The following TBXAS1 variants were observed in gnomAD, a reference collection of about 807,000 sequenced individuals.
The protein encoded by TBXAS1 is thromboxane A synthase 1.
Under a neutral mutation model 60.7 loss-of-function variants are expected in TBXAS1, and 48 were observed. The ratio of observed to expected loss-of-function variants is 0.79; its 90% CI spans 0.63 to 1.01. TBXAS1 has a LOEUF of 1.01. Ranked by LOEUF, TBXAS1 falls within the 50% of genes least tolerant of loss-of-function variation. TBXAS1 has a pLI of 0.00. For missense variants in TBXAS1, 685 were observed against 686.3 expected (o/e 1.00, Z 0.02); for synonymous variants, 287 against 269.7 (o/e 1.06, Z -0.63).
intron 9 of TBXAS1, among the ~76,000 whole-genome samples, chr7:139,983,171 T>C (rs1192936751): frequency 6.6e-6 from 1 of 152,210 alleles, no homozygotes; most frequent in African/African-American, 2.4e-5. Context: ...AACCAAATTG[T>C]CTTGGTACGC....
intron 1 of TBXAS1, among the ~76,000 whole-genome samples, chr7:139,833,079 A>G (rs1798814432): frequency 6.6e-6 from 1 of 152,148 alleles, no homozygotes; most frequent in Non-Finnish European, 1.5e-5. Context: ...AAACAACAAC[A>G]ACAAAAAAAA....
At chr7:139,954,212 A>G (rs1288565634) in intron 6 of TBXAS1, among the ~76,000 whole-genome samples, 1 of 152,236 alleles carries the variant, frequency 6.6e-6, no homozygotes, top group Non-Finnish European at 1.5e-5. Flanking sequence ...TTTATTCATT[A>G]TTATCATTGC....
intron 9 of TBXAS1, among the ~76,000 whole-genome samples, chr7:140,002,262 G>T (rs1286572626): frequency 6.6e-6 from 1 of 152,228 alleles, no homozygotes; most frequent in Non-Finnish European, 1.5e-5. Flanking sequence ...CCCAGCACCT[G>T]GTCCCGCACC....
At chr7:139,955,394 AG>A (rs1211274037) in intron 6 of TBXAS1, 64 bp from the exon 7 acceptor site, 38 of 1,595,288 alleles carry the variant, frequency 2.4e-5, no homozygotes, top group Non-Finnish European at 3.3e-5. Flanking sequence ...CCTCCTCTGG[AG>A]GGGGCCATTG....
chr7:140,018,388 A>G (rs1402039395), intron 12 of TBXAS1, among the ~76,000 whole-genome samples: 1 of 152,064 alleles, frequency 6.6e-6, no homozygotes, highest in Non-Finnish European at 1.5e-5. Context: ...GCAGACACTC[A>G]CGTGTCCCCA....
Position 140,020,113 on chromosome 7 carries a change from C to G in TBXAS1, c.*14C>G, listed in dbSNP as rs200404222. On this transcript the variant is annotated 3_prime_UTR_variant, in exon 13 of 13. Transcript: ENST00000448866. Reference sequence around the variant, plus strand: ...GTATCCCGCTGACACAGAAGGCTGCCGGGTGGGGGGAGGGCACCCCCAAAT... The same window carrying G: ...GTATCCCGCTGACACAGAAGGCTGCGGGGTGGGGGGAGGGCACCCCCAAAT... The G allele has an allele frequency of 1.1e-4, 180 of 1,591,668 alleles. No individual in the cohort carries two copies. In the African/African-American group the frequency reaches 2.0e-3, roughly 17 times the overall value.
chr7:139,815,382 G>C (rs1016754727), intron 4 of TBXAS1, among the ~76,000 whole-genome samples: 2 of 152,200 alleles, frequency 1.3e-5, no homozygotes, highest in Admixed American at 6.5e-5. Flanking sequence ...GAATAATTTG[G>C]TCAATTCCAT....
chr7:139,941,435 T>C lies in TBXAS1; in HGVS notation c.450+5128T>C, dbSNP rs1359651231. On this transcript the variant is annotated intron_variant, in intron 5 of 12. Coordinates refer to ENST00000448866, the MANE Select transcript of TBXAS1 (RefSeq NM_001061.7). ...ATATTTGTATTTAAATTAAAATTGT[T>C]TTTTTTTTTTGGCCTATGTCATACC... Among the ~76,000 whole-genome samples the C allele has an allele frequency of 3.9e-4, 5 of 12,938 alleles. No individual in the cohort carries two copies. In the African/African-American group the frequency reaches 5.1e-3, roughly 13 times the overall value. The allele number at this position is 12,938 out of a possible 152,430, so 8.5% of individuals were successfully genotyped here. A position where few individuals can be genotyped will look rare whatever the true frequency, so the allele number is the denominator to read the frequency against.
At chr7:139,941,752 T>G (rs1197308587) in intron 5 of TBXAS1, among the ~76,000 whole-genome samples, 1 of 152,262 alleles carries the variant, frequency 6.6e-6, no homozygotes, top group African/African-American at 2.4e-5. Context: ...CTAGATTCTT[T>G]ACCAAAGACT....
chr7:139,887,963 A>T (rs1257077203), intron 3 of TBXAS1, among the ~76,000 whole-genome samples: 4 of 152,174 alleles, frequency 2.6e-5, no homozygotes, highest in Non-Finnish European at 5.9e-5. Flanking sequence ...TCAAACCTTG[A>T]GAGTGAGCTC....
At chr7:139,996,131 G>C (rs950667647) in intron 9 of TBXAS1, among the ~76,000 whole-genome samples, 23 of 150,426 alleles carry the variant, frequency 1.5e-4, no homozygotes, top group Non-Finnish European at 2.8e-4. Flanking sequence ...ACCATGTCTG[G>C]CATTTTTTTT....
intron 4 of TBXAS1, among the ~76,000 whole-genome samples, chr7:139,797,757 T>A (rs1258290388): frequency 6.6e-6 from 1 of 152,218 alleles, no homozygotes; most frequent in Non-Finnish European, 1.5e-5. Flanking sequence ...TGCTGACCAC[T>A]GTAATGTCCA....
chr7:139,993,793 A>T (rs1391903674), intron 9 of TBXAS1, among the ~76,000 whole-genome samples: 1 of 152,050 alleles, frequency 6.6e-6, no homozygotes, highest in Non-Finnish European at 1.5e-5. Flanking sequence ...AGCTTAGGCA[A>T]GTCACTTCAC....
At chr7:139,792,395 G>A (rs773671550) in intron 4 of TBXAS1, among the ~76,000 whole-genome samples, 2 of 152,102 alleles carry the variant, frequency 1.3e-5, no homozygotes, top group African/African-American at 4.8e-5. Flanking sequence ...ACCCATGGTC[G>A]GCTTGGTGGT....
At chr7:139,862,782 T>G (rs1015418779) in intron 1 of TBXAS1, among the ~76,000 whole-genome samples, 1 of 152,214 alleles carries the variant, frequency 6.6e-6, no homozygotes, top group Non-Finnish European at 1.5e-5. Context: ...TCTGTCTCTC[T>G]CTTTCTCATC....
At chr7:139,936,418 A>G (rs1338821438) in intron 5 of TBXAS1, 111 bp downstream of exon 5, 1 of 1,094,622 alleles carries the variant, frequency 9.1e-7, no homozygotes, top group Non-Finnish European at 1.4e-6. Context: ...ACACATCAAA[A>G]TGCCTTTCCC....
At chr7:139,906,182 A>T in intron 3 of TBXAS1, 1 of 284,720 alleles carries the variant, frequency 3.5e-6, no homozygotes, top group Non-Finnish European at 6.9e-6. Context: ...CAGCCTCCTG[A>T]GTAGCTGGCA....
intron 4 of TBXAS1, among the ~76,000 whole-genome samples, chr7:139,792,639 T>C (rs58216762): frequency 1.3e-5 from 2 of 152,338 alleles, no homozygotes; most frequent in East Asian, 1.9e-4. Flanking sequence ...CCTCTTTATC[T>C]GCAGGGATGA....
intron 1 of TBXAS1, among the ~76,000 whole-genome samples, chr7:139,844,193 G>A (rs1484499827): frequency 6.6e-6 from 1 of 152,134 alleles, no homozygotes; most frequent in Non-Finnish European, 1.5e-5. Flanking sequence ...TCTGAGTGGG[G>A]TATCCTGACA....
Sources: gnomAD v4.1 joint callset for allele counts (sites outside exome capture counted in the v4.1 genomes callset) on GRCh38, gnomAD v4.1.1 for gene constraint, MANE v1.5 for transcripts, NCBI Gene and HGNC (gene_info 2026-07-23, HGNC 2026-07-21) for gene names.